The following LTBP2 variants were observed in gnomAD, a reference collection of about 807,000 sequenced individuals.
LTBP2 encodes the protein latent transforming growth factor beta binding protein 2, also known as latent-transforming growth factor beta-binding protein 2.
A neutral mutation model predicts 210.6 loss-of-function variants in LTBP2; 103 were observed. The observed-to-expected ratio is 0.49, with a 90% CI of 0.42 to 0.58. The LOEUF (loss-of-function observed/expected upper bound fraction) is 0.58. Among genes scored for constraint, LTBP2 ranks in the 20% least tolerant of loss-of-function variants. LTBP2 has a pLI of 0.00. For synonymous variants in LTBP2, 1,007 were observed against 1,015.0 expected (o/e 0.99, Z 0.15); for missense variants, 2,313 against 2,494.5 (o/e 0.93, Z 1.55).
At chr14:74,523,366 G>A (rs908858994) in intron 15 of LTBP2, among the ~76,000 whole-genome samples, 1 of 152,068 alleles carries the variant, frequency 6.6e-6, no homozygotes. Flanking sequence ...GTGGACTGGG[G>A]TCAGCTGAGC....
At chr14:74,537,067 T>C (rs922715163) in intron 8 of LTBP2, among the ~76,000 whole-genome samples, 1 of 152,118 alleles carries the variant, frequency 6.6e-6, no homozygotes, top group Non-Finnish European at 1.5e-5. Context: ...AGATGTCTGA[T>C]TGCAGATTGA....
At position 74,501,540 on chromosome 14, in the gene LTBP2, T is replaced by C. The variant is rs773154880; in HGVS notation, c.5221A>G (p.Asn1741Asp). Reference protein sequence around the residue: ...GLQAEECGILNGCENGRCVRV... With the variant: ...GLQAEECGILDGCENGRCVRV... ...ACACAGCGGCCATTCTCACAGCCGT[T>C]CAGGATGCCGCACTCCTCCGCCTGA... is the stretch of plus-strand genomic sequence containing the variant. Residue 1741 changes from asparagine (N) to aspartate (D), a missense_variant, in exon 35 of 36, where the codon AAC becomes GAC. Coordinates refer to ENST00000261978, the MANE Select transcript of LTBP2 (RefSeq NM_000428.3). 6.2e-7 allele frequency: 1 copy of C among 1,614,090 alleles called. No individual in the cohort carries two copies. The highest frequency in any genetic ancestry group is 1.1e-5 in the South Asian group (1 of 91,080).
chr14:74,525,979 G>T, intron 14 of LTBP2, 96 bp downstream of exon 14: 1 of 1,297,550 alleles, frequency 7.7e-7, no homozygotes, highest in Non-Finnish European at 1.1e-6. Context: ...GTGTGTGTGA[G>T]CGTGAACCAG....
chr14:74,553,767 T>C (rs961278345), intron 4 of LTBP2, among the ~76,000 whole-genome samples: 1 of 151,882 alleles, frequency 6.6e-6, no homozygotes, highest in African/African-American at 2.4e-5. Flanking sequence ...GGCAATGAAA[T>C]TGGGCTATTA....
rs2087264387 is a variant in LTBP2, at chr14:74,525,795, CTT to C, written c.2428+278_2428+279del. On this transcript the variant is annotated intron_variant, in intron 14 of 35. Coordinates refer to ENST00000261978, the MANE Select transcript of LTBP2 (RefSeq NM_000428.3). Reference sequence around the variant, plus strand: ...ACACCTGTTTCAGCTAGTGCTGTCTCTTTGTTCTGATTTATGTGCTAAGTGGT... The same window carrying C: ...ACACCTGTTTCAGCTAGTGCTGTCTCTGTTCTGATTTATGTGCTAAGTGGT... Among the ~76,000 whole-genome samples the C allele has an allele frequency of 2.0e-5, 3 of 152,306 alleles. No homozygotes were observed. In the South Asian group the frequency reaches 6.2e-4, roughly 32 times the overall value.
rs573206649 is a variant in LTBP2 at position 74,586,034 on chromosome 14, C to T, written c.650G>A (p.Arg217His). Residue 217 changes from arginine to histidine, a missense_variant, in exon 3 of 36, where the codon CGC becomes CAC. Transcript: ENST00000261978. The surrounding 1 kb of genome is among the most constrained non-coding windows in gnomAD (Gnocchi z 4.6). ...CVCRSGFRGARCEEVIPDEEF... is the reference protein window; with the variant it reads ...CVCRSGFRGAHCEEVIPDEEF... ...CTCATCGGGAATGACCTCCTCGCAG[C>T]GGGCTCCACGGAAACCAGAGCGGCA... 20 of 1,602,670 alleles carry T rather than the reference C, an allele frequency of 1.2e-5. No homozygotes were observed. The highest frequency in any genetic ancestry group is 1.2e-4 in the South Asian group (11 of 89,310).
chr14:74,582,290 C>T (rs2088146130), intron 3 of LTBP2, among the ~76,000 whole-genome samples: 1 of 151,842 alleles, frequency 6.6e-6, no homozygotes, highest in African/African-American at 2.4e-5. Flanking sequence ...CCCAAGCCAG[C>T]CAAAGCCACT....
At chr14:74,553,457 C>A (rs560331920) in intron 4 of LTBP2, among the ~76,000 whole-genome samples, 1 of 152,276 alleles carries the variant, frequency 6.6e-6, no homozygotes, top group African/African-American at 2.4e-5. Flanking sequence ...GCAAGTGATG[C>A]AGCTGGGCTT....
chr14:74,567,825 C>T (rs1354822227), intron 3 of LTBP2, among the ~76,000 whole-genome samples: 1 of 152,174 alleles, frequency 6.6e-6, no homozygotes, highest in East Asian at 1.9e-4. Context: ...GGAACCATCT[C>T]CCCAGCCCTA....
At chr14:74,555,837 A>G in intron 3 of LTBP2, 144 bp from the exon 4 acceptor site, 2 of 509,520 alleles carry the variant, frequency 3.9e-6, no homozygotes, top group Non-Finnish European at 6.4e-6. Context: ...TGACTCCCAG[A>G]CATGAAGGTG....
At chr14:74,573,163 T>G (rs994452736) in intron 3 of LTBP2, among the ~76,000 whole-genome samples, 1 of 152,228 alleles carries the variant, frequency 6.6e-6, no homozygotes, top group Non-Finnish European at 1.5e-5. Context: ...CGCACTTGCC[T>G]ACGCTCACAT....
At chr14:74,582,630 T>A (rs2088152697) in intron 3 of LTBP2, among the ~76,000 whole-genome samples, 3 of 152,072 alleles carry the variant, frequency 2.0e-5, no homozygotes, top group Non-Finnish European at 4.4e-5. Flanking sequence ...CTCAGAGAGG[T>A]TAGGATGAGT....
At chr14:74,507,906 A>C in intron 25 of LTBP2, 67 bp downstream of exon 25, 1 of 1,606,210 alleles carries the variant, frequency 6.2e-7, no homozygotes, top group Non-Finnish European at 8.5e-7. Flanking sequence ...ATGGGAGCTA[A>C]GGACCAGGCA....
At position 74,505,169 on chromosome 14, in the gene LTBP2, T is replaced by C. The variant is rs2139690225; in HGVS notation, c.4183A>G (p.Ser1395Gly). ...HCRPRGAGGQSMSEAPTGDHA... is the reference protein window; with the variant it reads ...HCRPRGAGGQGMSEAPTGDHA... ...TCCCCCGTTGGGGCCTCAGACATAC[T>C]CTGACCTGTGCGTGACAGATGCTCA... The change falls in exon 29 of 36, where the codon AGT becomes GGT. Residue 1395 changes from serine (S) to glycine (G), a missense_variant. Transcript: ENST00000261978. 3.1e-6 allele frequency: 5 copies of C among 1,612,832 alleles called. No homozygotes were observed. In the South Asian group the frequency reaches 4.4e-5, roughly 14 times the overall value.
In LTBP2 at chr14:74,522,753, C is replaced by G. The variant is rs539978028; in HGVS notation, c.2659+37G>C. ...TCTTAGCCCCTGCTCCCATCTACCC[C>G]AGCCGCCAAGTAAGCCCAGGGCACC... On this transcript the variant is annotated intron_variant, in intron 16 of 35. Coordinates refer to ENST00000261978, the MANE Select transcript of LTBP2 (RefSeq NM_000428.3). 3.8e-6 allele frequency: 6 copies of G among 1,594,388 alleles called. No individual in the cohort carries two copies. In the South Asian group the frequency reaches 6.8e-5, roughly 18 times the overall value.
At chr14:74,524,332 C>T (rs750895455) in intron 15 of LTBP2, among the ~76,000 whole-genome samples, 8 of 152,090 alleles carry the variant, frequency 5.3e-5, no homozygotes, top group Admixed American at 6.5e-5. Flanking sequence ...CCCTACTCCC[C>T]ACTCTCTGGA....
At chr14:74,560,891 T>C (rs955211799) in intron 3 of LTBP2, among the ~76,000 whole-genome samples, 1 of 152,210 alleles carries the variant, frequency 6.6e-6, no homozygotes, top group Non-Finnish European at 1.5e-5. Context: ...TATGCAAACA[T>C]TATGTCATTT....
chr14:74,612,218 CCGGA>C lies in LTBP2; in HGVS notation c.-278_-275del. 1 of 448,124 alleles carries C rather than the reference CCGGA, an allele frequency of 2.2e-6. No individual in the cohort carries two copies. 27.8% of individuals were successfully genotyped at this position (448,124 alleles called of 1,614,324 possible). ...GTGCCTGCAGCCGTCTGAAGGGGAC[CCGGA>C]CGGTTTTATTTTTGGAAACCTCCCC... is the stretch of plus-strand genomic sequence containing the variant. On this transcript the variant is annotated 5_prime_UTR_variant, in exon 1 of 36. Coordinates refer to ENST00000261978, the MANE Select transcript of LTBP2 (RefSeq NM_000428.3).
At chr14:74,538,287 C>T (rs551078312) in intron 8 of LTBP2, among the ~76,000 whole-genome samples, 1 of 152,028 alleles carries the variant, frequency 6.6e-6, no homozygotes, top group Non-Finnish European at 1.5e-5. Flanking sequence ...TTCATATAGT[C>T]TTCTCGATCA....
Sources: gnomAD v4.1 joint callset for allele counts (sites outside exome capture counted in the v4.1 genomes callset) on GRCh38, gnomAD v4.1.1 for gene constraint, Gnocchi (gnomAD v3.1) non-coding constraint, MANE v1.5 for transcripts, NCBI Gene and HGNC (gene_info 2026-07-23, HGNC 2026-07-21) for gene names.